Variants in PRKG1 observed in about 807,000 individuals in gnomAD.
The protein encoded by PRKG1 is protein kinase cGMP-dependent 1.
PRKG1 carries 35 observed loss-of-function variants against 88.1 expected under a neutral mutation model. The observed-to-expected ratio is 0.40, with a 90% CI of 0.30 to 0.53. The LOEUF (loss-of-function observed/expected upper bound fraction) is 0.53. Ranked by LOEUF, PRKG1 falls within the 20% of genes least tolerant of loss-of-function variation. The pLI, the probability that PRKG1 is intolerant of heterozygous loss-of-function variation, is 0.59. For missense variants in PRKG1, 540 were observed against 839.8 expected, an observed-to-expected ratio of 0.64 and a Z score of 4.41; for synonymous variants, 303 against 292.5, an observed-to-expected ratio of 1.04 and a Z score of -0.37.
At chr10:51,544,202 C>G (rs113356763) in intron 3 of PRKG1, among the ~76,000 whole-genome samples, 4 of 45,360 alleles carry the variant, frequency 8.8e-5, no homozygotes, top group East Asian at 3.0e-3. Flanking sequence ...ATCCCTCCCC[C>G]CTCCCCCACC....
chr10:51,959,717 A>C (rs1843399325), intron 5 of PRKG1, among the ~76,000 whole-genome samples: 1 of 152,132 alleles, frequency 6.6e-6, no homozygotes, highest in South Asian at 2.1e-4. Context: ...TCAGTGACTG[A>C]TGAAATGTCA....
chr10:51,517,597 G>A (rs1436497675), intron 3 of PRKG1, among the ~76,000 whole-genome samples: 2 of 152,294 alleles, frequency 1.3e-5, no homozygotes, highest in South Asian at 2.1e-4. Context: ...TTCTGTCTTC[G>A]TGAACATGCA....
At chr10:51,079,184 A>T (rs1012086269) in intron 1 of PRKG1, among the ~76,000 whole-genome samples, 1 of 152,184 alleles carries the variant, frequency 6.6e-6, no homozygotes, top group South Asian at 2.1e-4. Context: ...AAAATATTGT[A>T]AGGCATTAGA....
At chr10:52,261,686 A>T (rs773420504) in intron 10 of PRKG1, among the ~76,000 whole-genome samples, 4 of 152,096 alleles carry the variant, frequency 2.6e-5, no homozygotes, top group Non-Finnish European at 4.4e-5. Context: ...GTTCATTCTT[A>T]AATTTCAGAC....
At chr10:52,129,214 A>C (rs1487980013) in intron 7 of PRKG1, among the ~76,000 whole-genome samples, 1 of 152,232 alleles carries the variant, frequency 6.6e-6, no homozygotes, top group Non-Finnish European at 1.5e-5. Context: ...CCAGTATCAT[A>C]ACATCTACTG....
intron 3 of PRKG1, among the ~76,000 whole-genome samples, chr10:51,773,616 A>G (rs1838361297): frequency 1.3e-5 from 2 of 152,132 alleles, no homozygotes; most frequent in South Asian, 2.1e-4. Context: ...TCTTTCCTAT[A>G]AAATTTAGCC....
intron 3 of PRKG1, among the ~76,000 whole-genome samples, chr10:51,765,815 A>ATTTTT (rs398046339): frequency 3.4e-4 from 46 of 134,632 alleles, no homozygotes; most frequent in East Asian, 1.3e-3. Flanking sequence ...GCCTTACATG[A>ATTTTT]TTTTTTTTTT....
intron 5 of PRKG1, among the ~76,000 whole-genome samples, chr10:52,014,975 A>C (rs1035012561): frequency 6.6e-6 from 1 of 152,218 alleles, no homozygotes; most frequent in Non-Finnish European, 1.5e-5. Context: ...CAGCTGATTT[A>C]ATGGGCTGGC....
chr10:51,588,683 A>G (rs1258071972), intron 3 of PRKG1, among the ~76,000 whole-genome samples: 2 of 152,238 alleles, frequency 1.3e-5, no homozygotes, highest in East Asian at 3.8e-4. Context: ...TGATTGAAAT[A>G]AACCAATCTA....
At chr10:51,840,441 A>T (rs1392249916) in intron 4 of PRKG1, among the ~76,000 whole-genome samples, 1 of 152,110 alleles carries the variant, frequency 6.6e-6, no homozygotes, top group Non-Finnish European at 1.5e-5. Context: ...ACTGATATGG[A>T]TCATGCAGGT....
rs758512430 is a variant in PRKG1, at chr10:50,991,334, C to T, written c.-45C>T. The T allele has an allele frequency of 5.8e-5, 87 of 1,496,722 alleles. No individual in the cohort carries two copies. Among genetic ancestry groups the T allele is most frequent in the Non-Finnish European group, 7.4e-5 (83 of 1,125,692 alleles). The allele number at this position is 1,496,722 out of a possible 1,614,324, so 92.7% of individuals were successfully genotyped here. A position where few individuals can be genotyped will look rare whatever the true frequency, so the allele number is the denominator to read the frequency against. ...CAGCCGCCGCCGCCGCCGCCGCCGC[C>T]GCCGCCGCCCGAGAAAAAGTTTCGC... On this transcript the variant is annotated 5_prime_UTR_variant, in exon 1 of 18. Coordinates refer to the PRKG1 transcript ENST00000401604. This position sits in a 1 kb window ranked among gnomAD's most constrained non-coding sequence, Gnocchi z 4.5.
chr10:51,467,779 A>G lies in PRKG1; in HGVS notation c.535A>G (p.Lys179Glu). 6.2e-7 allele frequency: 1 copy of G among 1,613,036 alleles called. No individual in the cohort carries two copies. Among genetic ancestry groups the G allele is most frequent in the Non-Finnish European group, 8.5e-7 (1 of 1,179,094 alleles). ...GAAGTTGTGTACCATGGGTCCAGGA[A>G]AAGTGTTTGGGGAATTGGCTATTCT... The part of the protein sequence containing the change: ...GVKLCTMGPG[K>E]VFGELAILYN... The change falls in exon 3 of 18, where the codon AAA (lysine) becomes GAA (glutamate). Residue 179 changes from lysine (K) to glutamate (E), a missense_variant. By Grantham distance (56) the Lys-to-Glu change is moderately conservative (BLOSUM62 1). Around this residue, in one of 5 missense-constraint regions of PRKG1, gnomAD observed 400 missense variants for 562.7 expected, o/e 0.71. Transcript: ENST00000373980.
intron 1 of PRKG1, among the ~76,000 whole-genome samples, chr10:51,108,910 T>G (rs1192188800): frequency 1.3e-5 from 2 of 152,114 alleles, no homozygotes; most frequent in African/African-American, 4.8e-5. Flanking sequence ...GAAATGAGTT[T>G]AGTAAGATGC....
At chr10:51,381,163 A>G (rs1837083145) in intron 2 of PRKG1, among the ~76,000 whole-genome samples, 2 of 149,578 alleles carry the variant, frequency 1.3e-5, no homozygotes, top group African/African-American at 4.9e-5. Context: ...AGGCTGAGGC[A>G]GAATAATCAG....
chr10:52,219,271 T>G (rs1195102444), intron 9 of PRKG1, among the ~76,000 whole-genome samples: 1 of 152,166 alleles, frequency 6.6e-6, no homozygotes, highest in East Asian at 1.9e-4. Flanking sequence ...AGAAATTAGC[T>G]GAAAAGAATG....
chr10:52,284,169 T>A (rs752075721), intron 14 of PRKG1, among the ~76,000 whole-genome samples: 4 of 151,994 alleles, frequency 2.6e-5, no homozygotes, highest in Non-Finnish European at 4.4e-5. Context: ...AACAAAGATT[T>A]AAAATAAAAA....
At chr10:50,996,187 G>A (rs1176033222) in intron 1 of PRKG1, among the ~76,000 whole-genome samples, 1 of 152,188 alleles carries the variant, frequency 6.6e-6, no homozygotes. Flanking sequence ...ACCTGCACTA[G>A]CTCATCATTT....
At chr10:51,238,575 T>C (rs900243028) in intron 2 of PRKG1, among the ~76,000 whole-genome samples, 1 of 140,658 alleles carries the variant, frequency 7.1e-6, no homozygotes, top group Non-Finnish European at 1.5e-5. Context: ...AGAGTGAGAC[T>C]CTACCTTAAA....
chr10:52,098,127 TG>T, intron 7 of PRKG1, among the ~76,000 whole-genome samples: 1 of 152,192 alleles, frequency 6.6e-6, no homozygotes, highest in Non-Finnish European at 1.5e-5. Context: ...TAATTCAGCA[TG>T]TACTGAAAAT....
Sources: gnomAD v4.1 joint callset for allele counts (sites outside exome capture counted in the v4.1 genomes callset) on GRCh38, gnomAD v4.1.1 for gene constraint, gnomAD v4.1.1 regional missense constraint, Gnocchi (gnomAD v3.1) non-coding constraint, MANE v1.5 for transcripts, NCBI Gene and HGNC (gene_info 2026-07-23, HGNC 2026-07-21) for gene names.